NCKAP5: variants seen among roughly 807,000 people sequenced by gnomAD.
NCKAP5 encodes the protein nck-associated protein 5.
A neutral mutation model predicts 167.0 loss-of-function variants in NCKAP5; 92 were observed. The ratio of observed to expected loss-of-function variants is 0.55; its 90% CI spans 0.47 to 0.66. The LOEUF (loss-of-function observed/expected upper bound fraction) is 0.66, where lower values mean the gene tolerates loss of function less well. Among genes scored for constraint, NCKAP5 ranks in the 30% least tolerant of loss-of-function variants. The pLI is 0.00. For synonymous variants in NCKAP5, 891 were observed against 877.4 expected (o/e 1.02, Z -0.27); for missense variants, 2,378 against 2,315.0 (o/e 1.03, Z -0.56).
At chr2:132,694,410 ACT>A (rs1257291186) in intron 19 of NCKAP5, among the ~76,000 whole-genome samples, 2 of 152,100 alleles carry the variant, frequency 1.3e-5, no homozygotes, top group Non-Finnish European at 2.9e-5. Context: ...TTGTTTGGTC[ACT>A]CTACAAATGA....
intron 9 of NCKAP5, among the ~76,000 whole-genome samples, chr2:132,870,150 G>A (rs1437574694): frequency 1.3e-5 from 2 of 152,088 alleles, no homozygotes; most frequent in African/African-American, 4.8e-5. Context: ...TGTTCCTGGT[G>A]TTTCAAATAC....
chr2:132,767,966 T>C (rs1681664848), intron 16 of NCKAP5, among the ~76,000 whole-genome samples: 1 of 152,192 alleles, frequency 6.6e-6, no homozygotes, highest in Non-Finnish European at 1.5e-5. Context: ...GGTTAGACCA[T>C]GTCCTCTGTC....
the NCKAP5 span, among the ~76,000 whole-genome samples, chr2:133,670,648 G>T: frequency 2.0e-5 from 3 of 152,224 alleles, no homozygotes; most frequent in African/African-American, 7.2e-5. Context: ...CCTTCCAGTA[G>T]ATGATGCAGG....
At chr2:132,873,546 CATTT>C (rs1323934066) in intron 9 of NCKAP5, among the ~76,000 whole-genome samples, 2 of 152,184 alleles carry the variant, frequency 1.3e-5, no homozygotes, top group East Asian at 3.8e-4. Context: ...CTGTATTATT[CATTT>C]ACTTTGTGAA....
intron 3 of NCKAP5, among the ~76,000 whole-genome samples, chr2:133,458,037 C>A (rs1039412000): frequency 3.9e-5 from 6 of 152,232 alleles, no homozygotes; most frequent in African/African-American, 1.4e-4. Context: ...CTGCCATGTG[C>A]AACCATGCCT....
intron 3 of NCKAP5, among the ~76,000 whole-genome samples, chr2:133,311,942 T>G (rs1681263013): frequency 6.6e-6 from 1 of 152,246 alleles, no homozygotes; most frequent in Non-Finnish European, 1.5e-5. Context: ...TCCAAACTAT[T>G]GATAATTTCA....
chr2:133,173,975 G>A (rs1189836207), intron 5 of NCKAP5, among the ~76,000 whole-genome samples: 1 of 148,228 alleles, frequency 6.7e-6, no homozygotes, highest in Non-Finnish European at 1.5e-5. Flanking sequence ...AAATACATAC[G>A]CTTTTTTTCC....
chr2:133,557,872 C>A (rs75112668), intron 2 of NCKAP5, among the ~76,000 whole-genome samples: 2,369 of 152,292 alleles, frequency 0.016, 57 homozygotes, highest in African/African-American at 0.053. Flanking sequence ...CAGCCCTGAG[C>A]CCACTGCCCT....
At chr2:132,944,720 G>C (rs976437338) in intron 8 of NCKAP5, among the ~76,000 whole-genome samples, 1 of 152,144 alleles carries the variant, frequency 6.6e-6, no homozygotes, top group Admixed American at 6.6e-5. Context: ...AGAAACTACT[G>C]TTCTATGCTT....
At chr2:132,702,888 G>C (rs1573928655) in intron 19 of NCKAP5, among the ~76,000 whole-genome samples, 1 of 152,156 alleles carries the variant, frequency 6.6e-6, no homozygotes, top group South Asian at 2.1e-4. Flanking sequence ...GGATTAAAAA[G>C]TATTTATTGG....
intron 9 of NCKAP5, among the ~76,000 whole-genome samples, chr2:132,871,143 C>T (rs1203825244): frequency 1.3e-5 from 2 of 152,124 alleles, no homozygotes; most frequent in Non-Finnish European, 2.9e-5. Context: ...GCCATATGTT[C>T]CTTTATCACT....
chr2:132,793,393 G>C (rs74592307), intron 12 of NCKAP5, among the ~76,000 whole-genome samples: 6,665 of 152,294 alleles, frequency 0.044, 314 homozygotes, highest in African/African-American at 0.11. Flanking sequence ...GGCAAAGATG[G>C]TTAAGCAGAG....
chr2:133,070,280 A>G (rs940267579), intron 6 of NCKAP5, among the ~76,000 whole-genome samples: 1 of 152,198 alleles, frequency 6.6e-6, no homozygotes, highest in Non-Finnish European at 1.5e-5. Context: ...AACTAAAGAC[A>G]AAGAGTAAAT....
At chr2:133,155,777 C>T (rs750325480) in intron 5 of NCKAP5, among the ~76,000 whole-genome samples, 1 of 152,214 alleles carries the variant, frequency 6.6e-6, no homozygotes, top group Non-Finnish European at 1.5e-5. Context: ...AATTCTGCCA[C>T]AGACTATCTT....
At chr2:133,421,282 C>T (rs887588459) in intron 3 of NCKAP5, among the ~76,000 whole-genome samples, 2 of 152,156 alleles carry the variant, frequency 1.3e-5, no homozygotes, top group Non-Finnish European at 2.9e-5. Flanking sequence ...TATAAAGCAG[C>T]ATCCAGGTAG....
At chr2:133,303,164 C>A in intron 3 of NCKAP5, 54 bp from the exon 4 acceptor site, 1 of 1,245,248 alleles carries the variant, frequency 8.0e-7, no homozygotes, top group South Asian at 1.3e-5. Flanking sequence ...CCCCACCATC[C>A]TAAGACCCTG....
chr2:132,958,269 C>G (rs576313650), intron 8 of NCKAP5, among the ~76,000 whole-genome samples: 1 of 152,258 alleles, frequency 6.6e-6, no homozygotes, highest in African/African-American at 2.4e-5. Context: ...CATTACATCC[C>G]TCTAGTCCAA....
chr2:133,365,283 C>T (rs962055498), intron 3 of NCKAP5, among the ~76,000 whole-genome samples: 1 of 152,164 alleles, frequency 6.6e-6, no homozygotes, highest in Non-Finnish European at 1.5e-5. Context: ...AGTTTACTTC[C>T]TATTTCTTAT....
At position 132,939,752 on chromosome 2, in the gene NCKAP5, C is replaced by A. The variant is rs1046939529; in HGVS notation, c.579+23968G>T. Reference sequence around the variant, plus strand: ...TGGTGGCTCACACCTGTAATCCCAGCACTTTGGGAGATTAAGGTGGGTGGA... The same window carrying A: ...TGGTGGCTCACACCTGTAATCCCAGAACTTTGGGAGATTAAGGTGGGTGGA... On this transcript the variant is annotated intron_variant, in intron 8 of 19. Transcript: ENST00000409261. Among the ~76,000 whole-genome samples the A allele has an allele frequency of 1.3e-4, 20 of 152,200 alleles. 1 individual carries two copies. The South Asian group carries it at 3.7e-3, about 28-fold the overall frequency.
Sources: gnomAD v4.1 joint callset for allele counts (sites outside exome capture counted in the v4.1 genomes callset) on GRCh38, gnomAD v4.1.1 for gene constraint, MANE v1.5 for transcripts, NCBI Gene and HGNC (gene_info 2026-07-23, HGNC 2026-07-21) for gene names.